The following ANAPC10 variants were observed in gnomAD, a reference collection of about 807,000 sequenced individuals.
ANAPC10 encodes anaphase-promoting complex subunit 10.
Under a neutral mutation model 22.0 loss-of-function variants are expected in ANAPC10, and 12 were observed. The observed-to-expected ratio is 0.55, with a 90% CI of 0.35 to 0.88. The LOEUF (loss-of-function observed/expected upper bound fraction) is 0.88, where lower values mean the gene tolerates loss of function less well. Ranked by LOEUF, ANAPC10 falls within the 40% of genes least tolerant of loss-of-function variation. The pLI is 0.01. For missense variants in ANAPC10, 188 were observed against 220.9 expected (o/e 0.85, Z 0.94); for synonymous variants, 65 against 69.5 (o/e 0.94, Z 0.32).
intron 4 of ANAPC10, among the ~76,000 whole-genome samples, chr4:145,010,042 C>T (rs958984680): frequency 6.6e-6 from 1 of 152,130 alleles, no homozygotes; most frequent in Non-Finnish European, 1.5e-5. Flanking sequence ...CAAAAGAAGA[C>T]ATTTATGCAG....
At chr4:145,011,883 T>C (rs1464347131) in intron 4 of ANAPC10, among the ~76,000 whole-genome samples, 2 of 151,998 alleles carry the variant, frequency 1.3e-5, no homozygotes, top group Non-Finnish European at 2.9e-5. Context: ...AGTTTAGAAC[T>C]TGCCAAGGGG....
intron 4 of ANAPC10, among the ~76,000 whole-genome samples, chr4:145,020,689 C>T (rs184546587): frequency 3.3e-5 from 5 of 152,178 alleles, no homozygotes; most frequent in South Asian, 2.1e-4. Flanking sequence ...ATCCTAAAGA[C>T]TCCTCCAGAA....
At chr4:145,043,825 T>C (rs1441755306) in intron 4 of ANAPC10, among the ~76,000 whole-genome samples, 1 of 152,062 alleles carries the variant, frequency 6.6e-6, no homozygotes, top group Non-Finnish European at 1.5e-5. Context: ...ACCTAAAATG[T>C]TTCCAGATAA....
chr4:145,002,077 T>C (rs1002488630), intron 4 of ANAPC10, among the ~76,000 whole-genome samples: 5 of 152,186 alleles, frequency 3.3e-5, no homozygotes, highest in African/African-American at 1.2e-4. Context: ...TCACTACTTC[T>C]CCTTTACTAA....
chr4:145,059,934 C>T (rs746363108), intron 4 of ANAPC10, among the ~76,000 whole-genome samples: 14 of 151,798 alleles, frequency 9.2e-5, no homozygotes, highest in Non-Finnish European at 1.5e-4. Context: ...TGCTAAAACG[C>T]AAGGGATTTA....
At chr4:145,089,434 A>G (rs574542728) in intron 2 of ANAPC10, among the ~76,000 whole-genome samples, 8 of 152,242 alleles carry the variant, frequency 5.3e-5, no homozygotes, top group Admixed American at 2.0e-4. Flanking sequence ...TTTTCCCCTA[A>G]ATTTGTTTTT....
At chr4:145,053,058 C>A (rs1741372530) in intron 4 of ANAPC10, among the ~76,000 whole-genome samples, 1 of 152,034 alleles carries the variant, frequency 6.6e-6, no homozygotes, top group Non-Finnish European at 1.5e-5. Flanking sequence ...CTTATCCTGA[C>A]TGATGAGGAA....
intron 4 of ANAPC10, among the ~76,000 whole-genome samples, chr4:145,061,307 T>C (rs1193124732): frequency 6.6e-6 from 1 of 152,178 alleles, no homozygotes; most frequent in Non-Finnish European, 1.5e-5. Flanking sequence ...TCCTGTTAAC[T>C]TCTCAAAATC....
chr4:145,058,259 G>A (rs1321191836), intron 4 of ANAPC10, among the ~76,000 whole-genome samples: 1 of 152,094 alleles, frequency 6.6e-6, no homozygotes, highest in Non-Finnish European at 1.5e-5. Flanking sequence ...ACTATACCAT[G>A]CTACTGTGCT....
intron 4 of ANAPC10, among the ~76,000 whole-genome samples, chr4:145,037,267 C>T (rs1260728713): frequency 6.6e-6 from 1 of 151,976 alleles, no homozygotes. Context: ...GTATGTATGG[C>T]AGGTATGAGA....
chr4:145,025,892 G>A (rs751322608), intron 4 of ANAPC10, among the ~76,000 whole-genome samples: 4 of 152,176 alleles, frequency 2.6e-5, no homozygotes, highest in African/African-American at 4.8e-5. Flanking sequence ...TGCCCCCAGT[G>A]TGAGCAGGCA....
rs199807447 is a variant in ANAPC10, at chr4:145,091,874, AG to A, written c.115+4110del. 4.4e-3 allele frequency among the ~76,000 whole-genome samples: 672 copies of A among 152,284 alleles called. 6 individuals are homozygous for A. Among genetic ancestry groups the A allele is most frequent in the African/African-American group, 0.015 (643 of 41,558 alleles). On this transcript the variant is annotated intron_variant, in intron 2 of 4. Transcript: ENST00000507656. ...AAAGGAATGAGATAATGTCCTTTGC[AG>A]GGACTTGGACAAAAGACCACAAAAG...
At chr4:145,025,340 C>CG (rs1217674912) in intron 4 of ANAPC10, among the ~76,000 whole-genome samples, 1 of 150,282 alleles carries the variant, frequency 6.7e-6, no homozygotes, top group East Asian at 2.0e-4. Context: ...ACGCCCCCCC[C>CG]CCCTTTTAAG....
intron 4 of ANAPC10, among the ~76,000 whole-genome samples, chr4:145,022,598 C>T (rs1275668151): frequency 6.6e-6 from 1 of 151,754 alleles, no homozygotes; most frequent in Non-Finnish European, 1.5e-5. Flanking sequence ...CAAATCACCA[C>T]TAAAGAACTT....
chr4:145,005,979 T>C (rs1183249384), intron 4 of ANAPC10, among the ~76,000 whole-genome samples: 1 of 152,108 alleles, frequency 6.6e-6, no homozygotes, highest in Non-Finnish European at 1.5e-5. Context: ...CCCATTTAGT[T>C]AAGTGTTGAG....
chr4:145,032,544 A>G (rs972615122), intron 4 of ANAPC10, among the ~76,000 whole-genome samples: 4 of 152,192 alleles, frequency 2.6e-5, no homozygotes, highest in African/African-American at 9.7e-5. Context: ...AATCACATGG[A>G]TAGGATGACC....
At chr4:145,009,209 C>T (rs1180997863) in intron 4 of ANAPC10, among the ~76,000 whole-genome samples, 1 of 152,108 alleles carries the variant, frequency 6.6e-6, no homozygotes, top group South Asian at 2.1e-4. Context: ...AAGAACATTC[C>T]ATGCTCATGG....
At chr4:145,030,570 G>A (rs1164116571) in intron 4 of ANAPC10, among the ~76,000 whole-genome samples, 1 of 152,162 alleles carries the variant, frequency 6.6e-6, no homozygotes, top group Admixed American at 6.5e-5. Context: ...AATTAATGGA[G>A]TTTTAGCTTA....
chr4:145,039,381 G>C (rs1424896060), intron 4 of ANAPC10, among the ~76,000 whole-genome samples: 1 of 152,172 alleles, frequency 6.6e-6, no homozygotes, highest in Non-Finnish European at 1.5e-5. Context: ...AAGAGATTGG[G>C]AAGAAAAGTA....
Sources: gnomAD v4.1 joint callset for allele counts (sites outside exome capture counted in the v4.1 genomes callset) on GRCh38, gnomAD v4.1.1 for gene constraint, MANE v1.5 for transcripts, NCBI Gene and HGNC (gene_info 2026-07-23, HGNC 2026-07-21) for gene names.